The following HUWE1 variants were observed in gnomAD, a reference collection of about 807,000 sequenced individuals.
HUWE1 encodes the protein E3 ubiquitin-protein ligase HUWE1.
HUWE1 carries 18 observed loss-of-function variants against 299.4 expected under a neutral mutation model. The observed-to-expected ratio is 0.06, with a 90% CI of 0.04 to 0.09. The LOEUF is 0.09. Ranked by LOEUF, HUWE1 falls within the 10% of genes least tolerant of loss-of-function variation. The pLI is 1.00. For missense variants in HUWE1, 1,832 were observed against 3,462.3 expected (o/e 0.53, Z 11.82); for synonymous variants, 1,317 against 1,286.1 (o/e 1.02, Z -0.51).
chrX:53,575,713 A>G lies in HUWE1; in HGVS notation c.5960T>C (p.Val1987Ala), dbSNP rs144292295. The G allele has an allele frequency of 2.5e-6, 3 of 1,210,811 alleles. No homozygotes were observed. The highest frequency in any genetic ancestry group is 3.4e-6 in the Non-Finnish European group (3 of 894,231). ...GQLLQDMGDD[V>A]YQQYRSLTRQ... is the part of the protein sequence containing the mutation. The stretch of plus-strand genomic sequence containing the variant: ...CGTAAGTGACCGGTACTGCTGGTAT[A>G]CATCATCACCCATGTCTTGCAGGAG... The change falls in exon 45 of 84, where the codon GTA becomes GCA. Residue 1987 changes from valine to alanine, a missense_variant. This residue lies in a region of HUWE1 where 157 missense variants were observed against 252.3 expected (regional missense o/e 0.62). Coordinates refer to ENST00000262854, the MANE Select transcript of HUWE1 (RefSeq NM_031407.7).
intron 51 of HUWE1, 150 bp downstream of exon 51, chrX:53,564,424 A>G: frequency 1.6e-6 from 1 of 630,401 alleles, no homozygotes; most frequent in East Asian, 3.5e-5. Flanking sequence ...AAACACATTT[A>G]CTGAGCATCT....
intron 73 of HUWE1, among the ~76,000 whole-genome samples, chrX:53,543,427 A>G (rs1435928162): frequency 1.8e-5 from 2 of 110,989 alleles, no homozygotes; most frequent in Non-Finnish European, 3.8e-5. Flanking sequence ...GGGAGCAGCC[A>G]CAGACAGAAG....
chrX:53,584,979 C>T (rs369012983), intron 40 of HUWE1, 33 bp downstream of exon 40: 183 of 1,205,203 alleles, frequency 1.5e-4, no homozygotes, highest in Non-Finnish European at 1.9e-4. Flanking sequence ...CTGTGGTCCA[C>T]GGGTTAGACA....
At chrX:53,576,598 G>T (rs2075598102) in intron 44 of HUWE1, among the ~76,000 whole-genome samples, 1 of 111,898 alleles carries the variant, frequency 8.9e-6, no homozygotes, top group Admixed American at 9.4e-5. Flanking sequence ...TCATATAACA[G>T]AACTCTGGCA....
At chrX:53,621,674 C>T (rs1200266596) in intron 19 of HUWE1, among the ~76,000 whole-genome samples, 1 of 110,870 alleles carries the variant, frequency 9.0e-6, no homozygotes, top group Non-Finnish European at 1.9e-5. Flanking sequence ...TTCACTATTC[C>T]AGTCACTACC....
At chrX:53,645,170 G>A in intron 7 of HUWE1, 141 bp downstream of exon 7, 2 of 561,776 alleles carry the variant, frequency 3.6e-6, no homozygotes. Flanking sequence ...TTTAAAACAG[G>A]GCACCAATAG....
At chrX:53,588,313 T>A in intron 37 of HUWE1, 69 bp downstream of exon 37, 1 of 1,082,267 alleles carries the variant, frequency 9.2e-7, no homozygotes, top group Non-Finnish European at 1.3e-6. Context: ...CTTCAATGCC[T>A]CATATATGTT....
At chrX:53,630,651 C>T (rs1467303365) in intron 12 of HUWE1, among the ~76,000 whole-genome samples, 1 of 105,316 alleles carries the variant, frequency 9.5e-6, no homozygotes, top group South Asian at 4.3e-4. Context: ...GGACAGTGAA[C>T]GATAGCTACA....
chrX:53,591,659 T>C (rs185106900), intron 33 of HUWE1, among the ~76,000 whole-genome samples: 2 of 112,376 alleles, frequency 1.8e-5, no homozygotes, highest in Non-Finnish European at 3.8e-5. Flanking sequence ...ATAACAGCAA[T>C]ACAAGTATAT....
chrX:53,653,836 G>A (rs1364379570), intron 4 of HUWE1, among the ~76,000 whole-genome samples: 3 of 111,884 alleles, frequency 2.7e-5, no homozygotes, highest in Non-Finnish European at 3.8e-5. Context: ...ACACAGCTAC[G>A]AAGAACTAAC....
intron 43 of HUWE1, among the ~76,000 whole-genome samples, chrX:53,578,804 G>T (rs782053642): frequency 1.1e-4 from 8 of 70,728 alleles, no homozygotes; most frequent in South Asian, 8.0e-4. Flanking sequence ...GGAGGGAGGT[G>T]GGGGGGGGTC....
intron 43 of HUWE1, among the ~76,000 whole-genome samples, chrX:53,578,739 C>T (rs1293974185): frequency 2.8e-5 from 2 of 72,670 alleles, no homozygotes; most frequent in Non-Finnish European, 5.4e-5. Context: ...CGCCTCTGCC[C>T]GGCCGCCCCT....
In HUWE1 at chrX:53,614,918, G is replaced by A. The variant is rs782698826; in HGVS notation, c.2050-173C>T. On this transcript the variant is annotated intron_variant, in intron 22 of 83. Coordinates refer to ENST00000262854, the MANE Select transcript of HUWE1 (RefSeq NM_031407.7). The stretch of plus-strand genomic sequence containing the variant: ...TCATTAATTACATTTTATAAACAAG[G>A]GAATAGAAGTGCTGCAAACTTAAAT... Among the ~76,000 whole-genome samples the A allele has an allele frequency of 2.7e-5, 3 of 111,057 alleles. No homozygotes were observed. In the Admixed American group the frequency reaches 2.9e-4, roughly 11 times the overall value.
At chrX:53,568,013 G>T (rs1463486362) in intron 49 of HUWE1, among the ~76,000 whole-genome samples, 1 of 111,800 alleles carries the variant, frequency 8.9e-6, no homozygotes, top group South Asian at 3.7e-4. Flanking sequence ...AGTTTAGAAG[G>T]CAAAAACACG....
intron 81 of HUWE1, among the ~76,000 whole-genome samples, chrX:53,535,131 C>T (rs1419768538): frequency 9.0e-6 from 1 of 110,935 alleles, no homozygotes; most frequent in African/African-American, 3.3e-5. Flanking sequence ...GACGGGGTTT[C>T]ACCATGTTGG....
At chrX:53,628,725 C>A (rs782683354) in intron 14 of HUWE1, 27 bp downstream of exon 14, 1 of 1,210,302 alleles carries the variant, frequency 8.3e-7, no homozygotes, top group Non-Finnish European at 1.1e-6. Flanking sequence ...TTTCTTCTTG[C>A]CTAAGATAAT....
intron 12 of HUWE1, among the ~76,000 whole-genome samples, chrX:53,630,090 C>A (rs1253764391): frequency 8.9e-6 from 1 of 111,840 alleles, no homozygotes; most frequent in Non-Finnish European, 1.9e-5. Context: ...TCAATGAATT[C>A]CACGATGAGG....
At chrX:53,630,207 T>C (rs1459072383) in intron 12 of HUWE1, among the ~76,000 whole-genome samples, 1 of 112,346 alleles carries the variant, frequency 8.9e-6, no homozygotes, top group Non-Finnish European at 1.9e-5. Context: ...CCAGAAATCA[T>C]GCTAGATATG....
rs1556973480 is a variant in HUWE1, at chrX:53,586,578, A to C, written c.4743-7T>G. 3.4e-6 allele frequency: 4 copies of C among 1,181,631 alleles called. No homozygotes were observed. Among genetic ancestry groups the C allele is most frequent in the Non-Finnish European group, 3.4e-6 (3 of 870,800 alleles). On this transcript the variant is annotated splice_region_variant and splice_polypyrimidine_tract_variant and intron_variant, in intron 38 of 83. Transcript: ENST00000262854. ...CAACACTGGTGTGATCCACCTAAAAAAGAAAAATGATCTGTTTTGGGAAAG... is the reference window on the plus strand; with the variant it reads ...CAACACTGGTGTGATCCACCTAAAACAGAAAAATGATCTGTTTTGGGAAAG...
Sources: allele counts gnomAD v4.1 joint callset (sites outside exome capture counted in the v4.1 genomes callset), GRCh38; gene constraint gnomAD v4.1.1; regional missense constraint gnomAD v4.1.1; transcripts MANE v1.5; gene names NCBI Gene and HGNC (gene_info 2026-07-23, HGNC 2026-07-21).